The following VAT1L variants were observed in gnomAD, a reference collection of about 807,000 sequenced individuals.
VAT1L encodes the protein putative NADPH-dependent quinone oxidoreductase VAT1L.
VAT1L carries 34 observed loss-of-function variants against 44.1 expected under a neutral mutation model. That is an observed-to-expected ratio of 0.77 (90% CI 0.59 to 1.03). The LOEUF is 1.03. VAT1L is among the 50% of genes least tolerant of loss of function. VAT1L has a pLI of 0.00. For missense variants in VAT1L, 615 were observed against 538.8 expected (o/e 1.14, Z -1.40); for synonymous variants, 253 against 202.2 (o/e 1.25, Z -2.13).
chr16:77,848,450 G>C (rs549555146), intron 3 of VAT1L, among the ~76,000 whole-genome samples: 3 of 152,208 alleles, frequency 2.0e-5, no homozygotes, highest in African/African-American at 7.2e-5. Flanking sequence ...CCCCATGTGG[G>C]ACTATGCCTG....
intron 1 of VAT1L, among the ~76,000 whole-genome samples, chr16:77,793,624 T>C (rs938628163): frequency 6.6e-6 from 1 of 152,136 alleles, no homozygotes; most frequent in African/African-American, 2.4e-5. Flanking sequence ...GTGGTTCAAA[T>C]TGGCTTGCAG....
intron 7 of VAT1L, among the ~76,000 whole-genome samples, chr16:77,942,050 G>A (rs143430376): frequency 2.6e-5 from 4 of 152,128 alleles, no homozygotes; most frequent in East Asian, 1.9e-4. Context: ...GTTTTGATTC[G>A]CATTTCTCTA....
chr16:77,817,912 C>T (rs1044372611), intron 2 of VAT1L, among the ~76,000 whole-genome samples: 3 of 152,092 alleles, frequency 2.0e-5, no homozygotes, highest in Non-Finnish European at 4.4e-5. Flanking sequence ...ATTTGAGAAC[C>T]CGCTATAATC....
At position 77,814,848 on chromosome 16, in the gene VAT1L, T is replaced by A. The variant is rs570557717; in HGVS notation, c.234-2073T>A. 2.0e-5 allele frequency among the ~76,000 whole-genome samples: 3 copies of A among 152,382 alleles called. No homozygotes were observed. The South Asian group carries it at 6.2e-4, about 32-fold the overall frequency. On this transcript the variant is annotated intron_variant, in intron 1 of 8. Transcript: ENST00000302536. ...GTGAAACTGTTTTTAACCCTTTTTTTACGAGTGCCTTCCTAAAATATATCA... is the reference window on the plus strand; with the variant it reads ...GTGAAACTGTTTTTAACCCTTTTTTAACGAGTGCCTTCCTAAAATATATCA...
At chr16:77,913,056 G>A (rs62042212) in intron 7 of VAT1L, among the ~76,000 whole-genome samples, 3,848 of 152,148 alleles carry the variant, frequency 0.025, 79 homozygotes, top group Non-Finnish European at 0.038. Flanking sequence ...ATGCATTTGC[G>A]GGGGTGGGGT....
chr16:77,845,775 T>C (rs72790994), intron 3 of VAT1L, among the ~76,000 whole-genome samples: 1 of 152,140 alleles, frequency 6.6e-6, no homozygotes, highest in East Asian at 1.9e-4. Context: ...CTATTCACCA[T>C]TTAAATGTCA....
intron 7 of VAT1L, among the ~76,000 whole-genome samples, chr16:77,938,837 CAAT>C (rs546400232): frequency 3.7e-4 from 57 of 152,188 alleles, no homozygotes; most frequent in African/African-American, 1.3e-3. Flanking sequence ...AGAAAATAAG[CAAT>C]AAACACAACA....
intron 3 of VAT1L, among the ~76,000 whole-genome samples, chr16:77,856,586 G>T (rs561024703): frequency 6.6e-6 from 1 of 152,114 alleles, no homozygotes; most frequent in Non-Finnish European, 1.5e-5. Flanking sequence ...CCAGTCTGTC[G>T]ATCAGGGTCA....
intron 7 of VAT1L, among the ~76,000 whole-genome samples, chr16:77,966,033 G>A (rs2018218823): frequency 6.6e-6 from 1 of 151,902 alleles, no homozygotes; most frequent in Non-Finnish European, 1.5e-5. Flanking sequence ...ATTCCAAACA[G>A]TCCCCCCCAA....
chr16:77,879,674 C>T lies in VAT1L; in HGVS notation c.882+450C>T, dbSNP rs1193632755. Among the ~76,000 whole-genome samples the T allele has an allele frequency of 6.6e-6, 1 of 152,298 alleles. No individual in the cohort carries two copies. Among genetic ancestry groups the T allele is most frequent in the Non-Finnish European group, 1.5e-5 (1 of 68,030 alleles). On this transcript the variant is annotated intron_variant, in intron 6 of 8. Coordinates refer to ENST00000302536, the MANE Select transcript of VAT1L (RefSeq NM_020927.3). This position sits in a 1 kb window ranked among gnomAD's most constrained non-coding sequence, Gnocchi z 4.1. ...ATAAAACCTGCACTCCTGCCCTATT[C>T]CCTGCAAATGGTCAGGACCAGAATT...
chr16:77,845,865 A>T (rs551738339), intron 3 of VAT1L, among the ~76,000 whole-genome samples: 1 of 152,108 alleles, frequency 6.6e-6, no homozygotes, highest in Non-Finnish European at 1.5e-5. Context: ...TATTAGATTC[A>T]TCTATCTGTG....
chr16:77,906,717 C>A (rs898963492), intron 7 of VAT1L, among the ~76,000 whole-genome samples: 11 of 152,164 alleles, frequency 7.2e-5, no homozygotes, highest in African/African-American at 2.7e-4. Flanking sequence ...AGGGTGGCTC[C>A]AAAGCACCAA....
chr16:77,928,938 C>A (rs994285039), intron 7 of VAT1L, among the ~76,000 whole-genome samples: 1 of 152,088 alleles, frequency 6.6e-6, no homozygotes, highest in East Asian at 1.9e-4. Flanking sequence ...CTCAGCCTCC[C>A]GAGCAGCTGG....
Position 77,879,022 on chromosome 16 carries a change from C to G in VAT1L, c.827-147C>G. 1 of 706,616 alleles carries G rather than the reference C, an allele frequency of 1.4e-6. No individual in the cohort carries two copies. The highest frequency in any genetic ancestry group is 2.4e-6 in the Non-Finnish European group (1 of 412,764). 43.8% of individuals were successfully genotyped at this position (706,616 alleles called of 1,614,324 possible). On this transcript the variant is annotated intron_variant, in intron 5 of 8. Transcript: ENST00000302536. This position sits in a 1 kb window ranked among gnomAD's most constrained non-coding sequence, Gnocchi z 4.1. ...CATAGTCAACTTTATGCCTCATTCT[C>G]ATTCCCCTCACTTTGCCAAGGCTTA...
At chr16:77,974,207 G>GCAA (rs1265117525) in intron 8 of VAT1L, among the ~76,000 whole-genome samples, 4 of 152,154 alleles carry the variant, frequency 2.6e-5, no homozygotes, top group Non-Finnish European at 5.9e-5. Flanking sequence ...AGATGAGAGG[G>GCAA]CAACGAGAGG....
rs7198571 is a variant in VAT1L, at chr16:77,920,627, C to T, written c.1077+35825C>T. ...GTATAATGACATTTCAGTCCACAGACGTTTGCTTAAGACAGTGATCCCATA... is the reference window on the plus strand; with the variant it reads ...GTATAATGACATTTCAGTCCACAGATGTTTGCTTAAGACAGTGATCCCATA... On this transcript the variant is annotated intron_variant, in intron 7 of 8. Transcript: ENST00000302536. Among the ~76,000 whole-genome samples the T allele has an allele frequency of 1.8e-4, 28 of 152,164 alleles. No homozygotes were observed. The East Asian group carries it at 1.9e-3, about 10-fold the overall frequency.
chr16:77,877,512 CAAA>C (rs55704400), intron 5 of VAT1L, among the ~76,000 whole-genome samples: 54 of 86,784 alleles, frequency 6.2e-4, no homozygotes, highest in Middle Eastern at 8.3e-3. Context: ...GACTCTGTCT[CAAA>C]AAAAAAAAAA....
chr16:77,974,479 G>C (rs145641029), intron 8 of VAT1L, among the ~76,000 whole-genome samples: 1 of 152,218 alleles, frequency 6.6e-6, no homozygotes, highest in Non-Finnish European at 1.5e-5. Flanking sequence ...TACTGGAGCA[G>C]ATGCTGAAAA....
intron 7 of VAT1L, among the ~76,000 whole-genome samples, chr16:77,946,501 C>G (rs902675038): frequency 6.6e-6 from 1 of 151,928 alleles, no homozygotes; most frequent in Admixed American, 6.6e-5. Context: ...CCAGCATGAT[C>G]TCGATCTCCT....
Sources: allele counts gnomAD v4.1 joint callset (sites outside exome capture counted in the v4.1 genomes callset), GRCh38; gene constraint gnomAD v4.1.1; non-coding constraint Gnocchi (gnomAD v3.1); transcripts MANE v1.5; gene names NCBI Gene and HGNC (gene_info 2026-07-23, HGNC 2026-07-21).